Variants in UGCG observed in about 807,000 individuals in gnomAD.
UGCG encodes the protein UDP-glucose ceramide glucosyltransferase.
In UGCG, 10 loss-of-function variants were observed where a neutral mutation model predicts 49.5. The ratio of observed to expected loss-of-function variants is 0.20; its 90% confidence interval spans 0.12 to 0.34. The LOEUF (loss-of-function observed/expected upper bound fraction) is 0.34, where lower values mean the gene tolerates loss of function less well. Ranked by LOEUF, UGCG falls within the 10% of genes least tolerant of loss-of-function variation. The pLI is 1.00. For synonymous variants in UGCG, 182 were observed against 158.2 expected, an observed-to-expected ratio of 1.15 and a Z score of -1.13; for missense variants, 312 against 483.7, an observed-to-expected ratio of 0.65 and a Z score of 3.33.
chr9:111,914,891 G>A, intron 2 of UGCG, 145 bp downstream of exon 2: 6 of 1,196,804 alleles, frequency 5.0e-6, no homozygotes, highest in Non-Finnish European at 4.5e-6. Context: ...ACCTTTAGTA[G>A]TAGTCATCAC....
intron 2 of UGCG, among the ~76,000 whole-genome samples, chr9:111,918,330 C>G (rs528885042): frequency 5.3e-5 from 8 of 152,294 alleles, no homozygotes; most frequent in Non-Finnish European, 1.5e-5. Context: ...GTGTGAGCCA[C>G]CGTGCCTGGC....
chr9:111,912,050 A>ATATATG lies in UGCG; in HGVS notation c.99-2552_99-2551insATGTAT, dbSNP rs1554733560. Among the ~76,000 whole-genome samples the ATATATG allele has an allele frequency of 5.6e-5, 8 of 142,862 alleles. No individual in the cohort carries two copies. The South Asian group carries it at 1.6e-3, about 28-fold the overall frequency. The allele number at this position is 142,862 out of a possible 152,430, so 93.7% of individuals were successfully genotyped here. A position where few individuals can be genotyped will look rare whatever the true frequency, so the allele number is the denominator to read the frequency against. Reference sequence around the variant, plus strand: ...ACAGGATATATATATATATATATATATATCCTGTTGAATCAATTAATTGTG... The same window carrying ATATATG: ...ACAGGATATATATATATATATATATATATATGTATCCTGTTGAATCAATTAATTGTG... On this transcript the variant is annotated intron_variant, in intron 1 of 8. Coordinates refer to ENST00000374279, the MANE Select transcript of UGCG (RefSeq NM_003358.3).
chr9:111,930,722 C>G (rs930016205), intron 6 of UGCG, among the ~76,000 whole-genome samples: 1 of 152,178 alleles, frequency 6.6e-6, no homozygotes, highest in Non-Finnish European at 1.5e-5. Context: ...CCCGCCTCAG[C>G]CTCCCAAAGT....
At chr9:111,921,555 G>T (rs1471643867) in intron 2 of UGCG, among the ~76,000 whole-genome samples, 1 of 151,608 alleles carries the variant, frequency 6.6e-6, no homozygotes, top group African/African-American at 2.4e-5. Context: ...GGAGGCTGAG[G>T]CAGGCGAATC....
In UGCG at chr9:111,897,089, T is replaced by G; in HGVS notation, c.-127T>G. The G allele has an allele frequency of 1.4e-5, 3 of 216,190 alleles. No homozygotes were observed. Among genetic ancestry groups the G allele is most frequent in the Non-Finnish European group, 2.6e-5 (3 of 115,624 alleles). 13.4% of individuals were successfully genotyped at this position (216,190 alleles called of 1,614,324 possible). ...CTTCCGTCCCCACCCCCCTCCGCCC[T>G]TTCCTCTCCCCACCTTCCTCTCGCC... On this transcript the variant is annotated 5_prime_UTR_variant, in exon 1 of 9. Transcript: ENST00000374279.
intron 7 of UGCG, among the ~76,000 whole-genome samples, chr9:111,931,934 T>C (rs10125124): frequency 0.021 from 3,121 of 151,022 alleles, 111 homozygotes; most frequent in African/African-American, 0.071. Flanking sequence ...TGGGATGAGG[T>C]GGGAAGATCG....
Position 111,933,151 on chromosome 9 carries a change from G to GAA in UGCG, c.*167_*168dup, listed in dbSNP as rs57039844. 2,229 of 414,380 alleles carry GAA rather than the reference G, an allele frequency of 5.4e-3. No individual in the cohort carries two copies. The highest frequency in any genetic ancestry group is 9.3e-3 in the East Asian group (191 of 20,544). 25.7% of individuals were successfully genotyped at this position (414,380 alleles called of 1,614,324 possible). On this transcript the variant is annotated 3_prime_UTR_variant, in exon 9 of 9. Transcript: ENST00000374279. ...ATTTTTGCATGGCACTTGCATCTGT[G>GAA]AAAAAAAAAAAAAACACATCTGTAG...
In UGCG at chr9:111,924,815, T is replaced by C; in HGVS notation, c.382T>C (p.Leu128=). 6.5e-7 allele frequency: 1 copy of C among 1,545,492 alleles called. No individual in the cohort carries two copies. Among genetic ancestry groups the C allele is most frequent in the Non-Finnish European group, 8.7e-7 (1 of 1,152,714 alleles). ...KVGINPKINN[L]MPGYEVAKYD... is the part of the protein sequence containing the mutation. ...TGGCATTAATCCTAAAATTAATAATTTAATGCCAGGATATGAAGTTGCAAA... is the reference window on the plus strand; with the variant it reads ...TGGCATTAATCCTAAAATTAATAATCTAATGCCAGGATATGAAGTTGCAAA... Residue 128 remains leucine (L), a synonymous_variant, in exon 4 of 9, where the codon TTA becomes CTA. Transcript: ENST00000374279.
At chr9:111,929,715 C>A in intron 6 of UGCG, 37 bp downstream of exon 6, 1 of 1,602,446 alleles carries the variant, frequency 6.2e-7, no homozygotes, top group Non-Finnish European at 8.5e-7. Flanking sequence ...ATTTTTATTA[C>A]CTAACTTCTG....
At position 111,897,185 on chromosome 9, in the gene UGCG, A is replaced by AGCGGGCCGGGCCGGTCCG. The variant is rs749525721; in HGVS notation, c.-20_-3dup. 4 of 1,525,966 alleles carry AGCGGGCCGGGCCGGTCCG rather than the reference A, an allele frequency of 2.6e-6. No homozygotes were observed. Among genetic ancestry groups the AGCGGGCCGGGCCGGTCCG allele is most frequent in the South Asian group, 1.2e-5 (1 of 83,398 alleles). The allele number at this position is 1,525,966 out of a possible 1,614,324, so 94.5% of individuals were successfully genotyped here. A position where few individuals can be genotyped will look rare whatever the true frequency, so the allele number is the denominator to read the frequency against. On this transcript the variant is annotated 5_prime_UTR_variant, in exon 1 of 9. Transcript: ENST00000374279. ...GAGCGTTGTCCGTGTTGGCGGCCGC[A>AGCGGGCCGGGCCGGTCCG]GCGGGCCGGGCCGGTCCGGCGGGCC...
chr9:111,930,330 T>G (rs1328565728), intron 6 of UGCG, among the ~76,000 whole-genome samples: 5 of 152,212 alleles, frequency 3.3e-5, no homozygotes, highest in Non-Finnish European at 7.3e-5. Context: ...AGTCATAAAC[T>G]AGTAGGTGAA....
intron 5 of UGCG, among the ~76,000 whole-genome samples, chr9:111,927,742 C>T (rs538396616): frequency 7.9e-5 from 12 of 152,326 alleles, no homozygotes; most frequent in Admixed American, 2.6e-4. Flanking sequence ...TGAGCCACCA[C>T]GCCCGGCAGG....
intron 5 of UGCG, 51 bp downstream of exon 5, chr9:111,926,547 C>T (rs767338278): frequency 2.1e-6 from 3 of 1,397,394 alleles, no homozygotes; most frequent in Admixed American, 2.1e-5. Context: ...CCCTCATTTC[C>T]CAGAAGCTTG....
At position 111,897,230 on chromosome 9, in the gene UGCG, C is replaced by T. The variant is rs370802187; in HGVS notation, c.15C>T (p.Asp5=). 5.8e-6 allele frequency: 9 copies of T among 1,549,966 alleles called. No individual in the cohort carries two copies. The highest frequency in any genetic ancestry group is 1.2e-5 in the South Asian group (1 of 84,154). Residue 5 remains aspartate, a synonymous_variant, in exon 1 of 9, where the codon GAC becomes GAT. Transcript: ENST00000374279. ...CGGGCCGGGGGATGGCGCTGCTGGA[C>T]CTGGCCTTGGAGGGAATGGCCGTCT... is the stretch of plus-strand genomic sequence containing the variant. MALL[D]LALEGMAVFG... is the part of the protein sequence containing the mutation.
intron 2 of UGCG, chr9:111,915,770 CT>C: frequency 1.0e-6 from 1 of 984,704 alleles, no homozygotes; most frequent in Non-Finnish European, 1.2e-6. Context: ...CTTTATTTTT[CT>C]CGGTAGCACC....
chr9:111,929,747 A>G (rs1838387287), intron 6 of UGCG, 69 bp downstream of exon 6: 6 of 1,553,694 alleles, frequency 3.9e-6, no homozygotes, highest in Non-Finnish European at 5.2e-6. Flanking sequence ...TTTTTGTTCA[A>G]CCTATAGATT....
intron 1 of UGCG, among the ~76,000 whole-genome samples, chr9:111,897,648 T>C (rs143077542): frequency 3.0e-3 from 460 of 152,152 alleles, no homozygotes; most frequent in African/African-American, 0.01. Flanking sequence ...CCGAGATGTA[T>C]GGTGTATTGT....
intron 2 of UGCG, among the ~76,000 whole-genome samples, chr9:111,916,065 A>G (rs891807604): frequency 6.6e-6 from 1 of 152,100 alleles, no homozygotes; most frequent in African/African-American, 2.4e-5. Context: ...ATATAATTGT[A>G]TATACTTGTT....
At position 111,922,877 on chromosome 9, in the gene UGCG, A is replaced by G. The variant is rs1268828669; in HGVS notation, c.269A>G (p.His90Arg). The G allele has an allele frequency of 1.2e-6, 2 of 1,613,040 alleles. No individual in the cohort carries two copies. Among genetic ancestry groups the G allele is most frequent in the South Asian group, 1.1e-5 (1 of 90,928 alleles). Reference sequence around the variant, plus strand: ...GAAGTGCTCCTTTGTGTACAAGATCATGATGATCCAGCCATTGATGTATGT... The same window carrying G: ...GAAGTGCTCCTTTGTGTACAAGATCGTGATGATCCAGCCATTGATGTATGT... ...KYEVLLCVQD[H>R]DDPAIDVCKK... The change falls in exon 3 of 9, where the codon CAT becomes CGT. Residue 90 changes from histidine (H) to arginine (R), a missense_variant. Physicochemically the swap from His to Arg is conservative, Grantham distance 29. This residue lies in a region of UGCG where 64 missense variants were observed against 67.6 expected (regional missense o/e 0.95). Coordinates refer to ENST00000374279, the MANE Select transcript of UGCG (RefSeq NM_003358.3).
Sources: allele counts gnomAD v4.1 joint callset (sites outside exome capture counted in the v4.1 genomes callset), GRCh38; gene constraint gnomAD v4.1.1; regional missense constraint gnomAD v4.1.1; transcripts MANE v1.5; gene names NCBI Gene and HGNC (gene_info 2026-07-23, HGNC 2026-07-21).